The following RNF39 variants were observed in gnomAD, a reference collection of about 807,000 sequenced individuals.
RNF39 encodes ring finger protein 39.
RNF39 carries 25 observed loss-of-function variants against 29.2 expected under a neutral mutation model. The ratio of observed to expected loss-of-function variants is 0.86; its 90% CI spans 0.62 to 1.20. The LOEUF (loss-of-function observed/expected upper bound fraction) is 1.20, where lower values mean the gene tolerates loss of function less well. Ranked by LOEUF, RNF39 falls within the 50% of genes most tolerant of loss-of-function variation. The pLI, the probability that RNF39 is intolerant of heterozygous loss-of-function variation, is 0.00. For synonymous variants in RNF39, 219 were observed against 229.0 expected, an observed-to-expected ratio of 0.96 and a Z score of 0.40; for missense variants, 519 against 515.0, an observed-to-expected ratio of 1.01 and a Z score of -0.08.
At position 30,071,178 on chromosome 6, in the gene RNF39, C is replaced by T. The variant is rs867373109; in HGVS notation, c.992G>A (p.Arg331His). The T allele has an allele frequency of 2.0e-6, 3 of 1,523,750 alleles. No individual in the cohort carries two copies. The highest frequency in any genetic ancestry group is 1.4e-5 in the African/African-American group (1 of 72,196). 94.4% of individuals were successfully genotyped at this position (1,523,750 alleles called of 1,614,324 possible). ...GCAGGTGCAGAACAGCGGGAAGATG[C>T]GCTCCCCCAGGGGGCCAGGCGCCTG... ...AFQAPGPLGE[R>H]IFPLFCTCDP... Residue 331 changes from arginine to histidine, a missense_variant, in exon 4 of 4, where the codon CGC becomes CAC. Physicochemically the swap from Arg to His is conservative, Grantham distance 29. Coordinates refer to ENST00000244360, the MANE Select transcript of RNF39 (RefSeq NM_025236.4). The surrounding 1 kb of genome is among the most constrained non-coding windows in gnomAD (Gnocchi z 5.0).
At position 30,073,244 on chromosome 6, in the gene RNF39, C is replaced by A; in HGVS notation, c.391G>T (p.Glu131Ter). The A allele has an allele frequency of 6.2e-7, 1 of 1,605,210 alleles. No homozygotes were observed. The highest frequency in any genetic ancestry group is 8.5e-7 in the Non-Finnish European group (1 of 1,172,546). Residue 131 changes from glutamate to a stop codon, truncating the protein, a stop_gained, in exon 3 of 4, where the codon GAA becomes TAA. Coordinates refer to ENST00000244360, the MANE Select transcript of RNF39 (RefSeq NM_025236.4). LOFTEE classifies it high-confidence loss of function. Reference protein sequence around the residue: ...EDMRKTWRRFEVPTSKSSNSE... With the variant: ...EDMRKTWRRF ...TTAGATGACTTGGATGTTGGGACTT[C>A]AAATCTACACAGATGAGGGGAAGGG...
At position 30,070,681 on chromosome 6, in the gene RNF39, G is replaced by T. The variant is rs143778202; in HGVS notation, c.*430C>A. 5.2e-6 allele frequency: 2 copies of T among 386,630 alleles called. No homozygotes were observed. The highest frequency in any genetic ancestry group is 1.4e-4 in the East Asian group (2 of 14,364). The allele number at this position is 386,630 out of a possible 1,614,324, so 23.9% of individuals were successfully genotyped here. A position where few individuals can be genotyped will look rare whatever the true frequency, so the allele number is the denominator to read the frequency against. On this transcript the variant is annotated 3_prime_UTR_variant, in exon 4 of 4. Coordinates refer to ENST00000244360, the MANE Select transcript of RNF39 (RefSeq NM_025236.4). ...CTCAGTGGACAGGCAGGGTAGCCCAGTCCTTAGATCTGTGGGGAAGGCCCT... is the reference window on the plus strand; with the variant it reads ...CTCAGTGGACAGGCAGGGTAGCCCATTCCTTAGATCTGTGGGGAAGGCCCT...
Position 30,070,445 on chromosome 6 carries a change from T to G in RNF39, c.*666A>C. The G allele has an allele frequency of 4.8e-6, 1 of 208,356 alleles. No individual in the cohort carries two copies. Among genetic ancestry groups the G allele is most frequent in the Non-Finnish European group, 9.8e-6 (1 of 102,262 alleles). 12.9% of individuals were successfully genotyped at this position (208,356 alleles called of 1,614,324 possible). On this transcript the variant is annotated 3_prime_UTR_variant, in exon 4 of 4. Coordinates refer to ENST00000244360, the MANE Select transcript of RNF39 (RefSeq NM_025236.4). Reference sequence around the variant, plus strand: ...CAGGTTGAGGAGGAGAGAGGGGAAATAGCACCATTGGTTCCTTTCCGTGAG... The same window carrying G: ...CAGGTTGAGGAGGAGAGAGGGGAAAGAGCACCATTGGTTCCTTTCCGTGAG...
Position 30,071,263 on chromosome 6 carries a change from A to C in RNF39, c.907T>G (p.Trp303Gly), listed in dbSNP as rs1191830405. ...PPRRIRVDLD[W>G]ERGRVAFYDG... ...TAGAAGGCCACGCGGCCCCGCTCCC[A>C]GTCCAGGTCCACGCGAATGCGCCGC... Residue 303 changes from tryptophan to glycine, a missense_variant, in exon 4 of 4, where the codon TGG becomes GGG. Physicochemically the swap from Trp to Gly is radical, Grantham distance 184 (BLOSUM62 -2). Transcript: ENST00000244360. This position sits in a 1 kb window ranked among gnomAD's most constrained non-coding sequence, Gnocchi z 5.0. 6.6e-7 allele frequency: 1 copy of C among 1,508,738 alleles called. No individual in the cohort carries two copies. The highest frequency in any genetic ancestry group is 1.4e-5 in the African/African-American group (1 of 71,334). The allele number at this position is 1,508,738 out of a possible 1,614,324, so 93.5% of individuals were successfully genotyped here. A position where few individuals can be genotyped will look rare whatever the true frequency, so the allele number is the denominator to read the frequency against.
At position 30,072,894 on chromosome 6, in the gene RNF39, G is replaced by A. The variant is rs1353539062; in HGVS notation, c.478+263C>T. Among the ~76,000 whole-genome samples the A allele has an allele frequency of 6.6e-6, 1 of 152,198 alleles. No homozygotes were observed. Among genetic ancestry groups the A allele is most frequent in the African/African-American group, 2.4e-5 (1 of 41,448 alleles). On this transcript the variant is annotated intron_variant, in intron 3 of 3. Coordinates refer to ENST00000244360, the MANE Select transcript of RNF39 (RefSeq NM_025236.4). This position sits in a 1 kb window ranked among gnomAD's most constrained non-coding sequence, Gnocchi z 4.5. ...GAACATGTGAGGCTACCAGAGGCTA[G>A]GAGACAGGCATGGAACAGATTCTGT...
Position 30,071,354 on chromosome 6 carries a change from G to GCGGCCCTCCA in RNF39, c.806_815dup (p.Arg275ProfsTer20). 6.8e-7 allele frequency: 1 copy of GCGGCCCTCCA among 1,460,812 alleles called. No individual in the cohort carries two copies. The highest frequency in any genetic ancestry group is 9.0e-7 in the Non-Finnish European group (1 of 1,114,574). 90.5% of individuals were successfully genotyped at this position (1,460,812 alleles called of 1,614,324 possible). A position where few individuals can be genotyped will look rare whatever the true frequency, so the allele number is the denominator to read the frequency against. On this transcript the variant is annotated frameshift_variant, in exon 4 of 4. Transcript: ENST00000244360. LOFTEE classifies it high-confidence loss of function. This position sits in a 1 kb window ranked among gnomAD's most constrained non-coding sequence, Gnocchi z 5.0. Reference sequence around the variant, plus strand: ...CCGTGAGGGCCCACAGGCGGCCGCCGCGGCCCTCCACGGCCCACACGGCCC... The same window carrying GCGGCCCTCCA: ...CCGTGAGGGCCCACAGGCGGCCGCCGCGGCCCTCCACGGCCCTCCACGGCCCACACGGCCC...
rs1765827134 is a variant in RNF39, at chr6:30,070,281, A to C, written c.*830T>G. On this transcript the variant is annotated 3_prime_UTR_variant, in exon 4 of 4. Coordinates refer to ENST00000244360, the MANE Select transcript of RNF39 (RefSeq NM_025236.4). ...ATCAGTCAAATCCATACCACCACTGAGATCTCATTTATTGCCACAGATGCA... is the reference window on the plus strand; with the variant it reads ...ATCAGTCAAATCCATACCACCACTGCGATCTCATTTATTGCCACAGATGCA... 6.4e-6 allele frequency: 1 copy of C among 156,718 alleles called. No homozygotes were observed. The highest frequency in any genetic ancestry group is 1.4e-5 in the Non-Finnish European group (1 of 70,598). The allele number at this position is 156,718 out of a possible 1,614,324, so 9.7% of individuals were successfully genotyped here.
rs1766281914 is a variant in RNF39, at chr6:30,074,846, T to G, written c.363+377A>C. On this transcript the variant is annotated intron_variant, in intron 1 of 3. Transcript: ENST00000244360. This position sits in a 1 kb window ranked among gnomAD's most constrained non-coding sequence, Gnocchi z 4.1. ...CCCTCCCCTCCGCCAGCTCTCCTCC[T>G]CCCGGGCGCCTGCGGCTGCCCTGCC... is the stretch of plus-strand genomic sequence containing the variant. 6.6e-6 allele frequency among the ~76,000 whole-genome samples: 1 copy of G among 151,878 alleles called. No homozygotes were observed. Among genetic ancestry groups the G allele is most frequent in the Non-Finnish European group, 1.5e-5 (1 of 67,990 alleles).
In RNF39 at chr6:30,075,462, C is replaced by G; in HGVS notation, c.124G>C (p.Ala42Pro). ...LLACEHSFCR[A>P]CLARRWGTPP... ...GTCCCCCAGCGGCGGGCCAGACACG[C>G]GCGGCAGAAGCTGTGCTCGCACGCC... The change falls in exon 1 of 4, where the codon GCG (alanine) becomes CCG (proline). Residue 42 changes from alanine (A) to proline (P), a missense_variant. Ala to Pro is a conservative substitution (Grantham distance 27, BLOSUM62 -1). Transcript: ENST00000244360. 6.5e-7 allele frequency: 1 copy of G among 1,550,174 alleles called. No homozygotes were observed. Among genetic ancestry groups the G allele is most frequent in the Non-Finnish European group, 8.7e-7 (1 of 1,150,018 alleles).
In RNF39 at chr6:30,072,470, GAAGGGTC is replaced by G. The variant is rs1766066266; in HGVS notation, c.478+680_478+686del. The stretch of plus-strand genomic sequence containing the variant: ...TTCTTCTTGGGAGTGAGTGAGGAAA[GAAGGGTC>G]AAGGAGATGCTGGGGTCCCCTTCCA... On this transcript the variant is annotated intron_variant, in intron 3 of 3. Coordinates refer to ENST00000244360, the MANE Select transcript of RNF39 (RefSeq NM_025236.4). The surrounding 1 kb of genome is among the most constrained non-coding windows in gnomAD (Gnocchi z 4.5). Among the ~76,000 whole-genome samples, 1 of 152,156 alleles carries G rather than the reference GAAGGGTC, an allele frequency of 6.6e-6. No homozygotes were observed.
Position 30,070,606 on chromosome 6 carries a change from G to T in RNF39, c.*505C>A, listed in dbSNP as rs2021163. 3.0e-6 allele frequency: 1 copy of T among 336,998 alleles called. No homozygotes were observed. Among genetic ancestry groups the T allele is most frequent in the Admixed American group, 3.9e-5 (1 of 25,748 alleles). 20.9% of individuals were successfully genotyped at this position (336,998 alleles called of 1,614,324 possible). ...TGCAAAAGAGGTACAAAGCTTCCCA[G>T]AGGGCCACAGGGCCCAGACCAGAGT... On this transcript the variant is annotated 3_prime_UTR_variant, in exon 4 of 4. Coordinates refer to ENST00000244360, the MANE Select transcript of RNF39 (RefSeq NM_025236.4).
rs962446306 is a variant in RNF39 at position 30,072,072 on chromosome 6, G to T, written c.479-381C>A. ...CCTCAATCTGCATCATCTGGGGTGG[G>T]GCATGGGAGCTGGGTCAGCAAAATG... On this transcript the variant is annotated intron_variant, in intron 3 of 3. Coordinates refer to ENST00000244360, the MANE Select transcript of RNF39 (RefSeq NM_025236.4). The surrounding 1 kb of genome is among the most constrained non-coding windows in gnomAD (Gnocchi z 4.5). Among the ~76,000 whole-genome samples the T allele has an allele frequency of 2.6e-5, 4 of 152,094 alleles. No homozygotes were observed. The highest frequency in any genetic ancestry group is 4.4e-5 in the Non-Finnish European group (3 of 68,016).
rs981571704 is a variant in RNF39 at position 30,071,689 on chromosome 6, C to T, written c.481G>A (p.Asp161Asn). Reference protein sequence around the residue: ...VKKMLHRLTADLTLDPGTAHR... With the variant: ...VKKMLHRLTANLTLDPGTAHR... ...GCGGTCCCAGGGTCCAGGGTCAGGTCGGCTGGAGACGGGGAGGCAGGGAGA... is the reference window on the plus strand; with the variant it reads ...GCGGTCCCAGGGTCCAGGGTCAGGTTGGCTGGAGACGGGGAGGCAGGGAGA... Residue 161 changes from aspartate (D) to asparagine (N), a missense_variant and splice_region_variant, in exon 4 of 4, where the codon GAC (aspartate) becomes AAC (asparagine). Asp to Asn is a conservative substitution (Grantham distance 23, BLOSUM62 1). Coordinates refer to ENST00000244360, the MANE Select transcript of RNF39 (RefSeq NM_025236.4). This position sits in a 1 kb window ranked among gnomAD's most constrained non-coding sequence, Gnocchi z 5.0. 1 of 1,402,424 alleles carries T rather than the reference C, an allele frequency of 7.1e-7. No individual in the cohort carries two copies. The highest frequency in any genetic ancestry group is 1.5e-5 in the South Asian group (1 of 65,164). The allele number at this position is 1,402,424 out of a possible 1,614,324, so 86.9% of individuals were successfully genotyped here. A position where few individuals can be genotyped will look rare whatever the true frequency, so the allele number is the denominator to read the frequency against.
rs1765951959 is a variant in RNF39, at chr6:30,071,377, C to T, written c.793G>A (p.Ala265Thr). The T allele has an allele frequency of 2.0e-6, 3 of 1,468,600 alleles. No homozygotes were observed. The highest frequency in any genetic ancestry group is 2.7e-6 in the Non-Finnish European group (3 of 1,118,658). 91.0% of individuals were successfully genotyped at this position (1,468,600 alleles called of 1,614,324 possible). Residue 265 changes from alanine (A) to threonine (T), a missense_variant, in exon 4 of 4, where the codon GCC (alanine) becomes ACC (threonine). Coordinates refer to ENST00000244360, the MANE Select transcript of RNF39 (RefSeq NM_025236.4). This position sits in a 1 kb window ranked among gnomAD's most constrained non-coding sequence, Gnocchi z 5.0. ...CCGCGGCCCTCCACGGCCCACACGG[C>T]CCCCGCAGGGCACAGCCTTACGCAG... ...KGCVRLCPAG[A>T]VWAVEGRGGR... is the part of the protein sequence containing the mutation.
rs769025458 is a variant in RNF39 at position 30,071,145 on chromosome 6, C to G, written c.1025G>C (p.Arg342Pro). The G allele has an allele frequency of 1.7e-5, 27 of 1,546,338 alleles. No homozygotes were observed. The highest frequency in any genetic ancestry group is 2.4e-5 in the Non-Finnish European group (27 of 1,145,902). Residue 342 changes from arginine (R) to proline (P), a missense_variant, in exon 4 of 4, where the codon CGT becomes CCT. Arg to Pro is a moderately radical substitution (Grantham distance 103). Transcript: ENST00000244360. This position sits in a 1 kb window ranked among gnomAD's most constrained non-coding sequence, Gnocchi z 5.0. Reference sequence around the variant, plus strand: ...CGCTGGTACAATGCGGAGCGGAGCACGAGGGTCGCAGGTGCAGAACAGCGG... The same window carrying G: ...CGCTGGTACAATGCGGAGCGGAGCAGGAGGGTCGCAGGTGCAGAACAGCGG... ...IFPLFCTCDPRAPLRIVPAES is the reference protein window; with the variant it reads ...IFPLFCTCDPPAPLRIVPAES
In RNF39 at chr6:30,071,113, A is replaced by G. The variant is rs1765912673; in HGVS notation, c.1057T>C (p.Ter353ArgextTer109). 6.4e-7 allele frequency: 1 copy of G among 1,556,954 alleles called. No homozygotes were observed. Among genetic ancestry groups the G allele is most frequent in the Non-Finnish European group, 8.7e-7 (1 of 1,150,828 alleles). The change falls in exon 4 of 4, where the codon TGA (stop) becomes CGA (arginine). Residue 353 changes from the stop codon to arginine, a stop_lost. Coordinates refer to ENST00000244360, the MANE Select transcript of RNF39 (RefSeq NM_025236.4). This position sits in a 1 kb window ranked among gnomAD's most constrained non-coding sequence, Gnocchi z 5.0. ...APLRIVPAES[*>R] Reference sequence around the variant, plus strand: ...AAACTTCTAGTTGGAGACGAGACTCAGCTTTCCGCTGGTACAATGCGGAGC... The same window carrying G: ...AAACTTCTAGTTGGAGACGAGACTCGGCTTTCCGCTGGTACAATGCGGAGC...
In RNF39 at chr6:30,070,755, C is replaced by T. The variant is rs978087459; in HGVS notation, c.*356G>A. 12 of 518,862 alleles carry T rather than the reference C, an allele frequency of 2.3e-5. No homozygotes were observed. Among genetic ancestry groups the T allele is most frequent in the African/African-American group, 2.1e-4 (11 of 52,494 alleles). The allele number at this position is 518,862 out of a possible 1,614,324, so 32.1% of individuals were successfully genotyped here. A position where few individuals can be genotyped will look rare whatever the true frequency, so the allele number is the denominator to read the frequency against. ...GCAAGAGTGGGAGTCAAGTATTTGA[C>T]CAGCAGAGCCTCTATGTAGGAATCA... On this transcript the variant is annotated 3_prime_UTR_variant, in exon 4 of 4. Coordinates refer to ENST00000244360, the MANE Select transcript of RNF39 (RefSeq NM_025236.4).
chr6:30,075,307 C>T lies in RNF39; in HGVS notation c.279G>A (p.Glu93=). 6.3e-7 allele frequency: 1 copy of T among 1,596,656 alleles called. No individual in the cohort carries two copies. Among genetic ancestry groups the T allele is most frequent in the Admixed American group, 1.7e-5 (1 of 58,762 alleles). The part of the protein sequence containing the change: ...VEVRISRELR[E]KLAEPGARAG... The stretch of plus-strand genomic sequence containing the variant: ...CACGGGCCCCAGGCTCAGCCAGCTT[C>T]TCTCGCAGCTCGCGGCTGATTCGCA... The change falls in exon 1 of 4, where the codon GAG becomes GAA. Residue 93 remains glutamate (E), a synonymous_variant. Transcript: ENST00000244360.
In RNF39 at chr6:30,071,565, A is replaced by G; in HGVS notation, c.605T>C (p.Leu202Pro). 6.7e-7 allele frequency: 1 copy of G among 1,496,166 alleles called. No homozygotes were observed. The highest frequency in any genetic ancestry group is 8.9e-7 in the Non-Finnish European group (1 of 1,128,550). 92.7% of individuals were successfully genotyped at this position (1,496,166 alleles called of 1,614,324 possible). Residue 202 changes from leucine (L) to proline (P), a missense_variant, in exon 4 of 4, where the codon CTC (leucine) becomes CCC (proline). Physicochemically the swap from Leu to Pro is moderately conservative, Grantham distance 98. Transcript: ENST00000244360. This position sits in a 1 kb window ranked among gnomAD's most constrained non-coding sequence, Gnocchi z 5.0. ...GCCCTGCGCACCCAGCACAGCTGGG[A>G]GCTGATCGAAGCGCTTGGGGCCGTC... Reference protein sequence around the residue: ...PPDGPKRFDQLPAVLGAQGFG... With the variant: ...PPDGPKRFDQPPAVLGAQGFG...
Sources: gnomAD v4.1 joint callset for allele counts (sites outside exome capture counted in the v4.1 genomes callset) on GRCh38, gnomAD v4.1.1 for gene constraint, Gnocchi (gnomAD v3.1) non-coding constraint, MANE v1.5 for transcripts, NCBI Gene and HGNC (gene_info 2026-07-23, HGNC 2026-07-21) for gene names.